The following ITGB7 variants were observed in gnomAD, a reference collection of about 807,000 sequenced individuals.
ITGB7 encodes integrin beta-7.
Under a neutral mutation model 83.4 loss-of-function variants are expected in ITGB7, and 55 were observed. The observed-to-expected ratio is 0.66, with a 90% CI of 0.53 to 0.83. The LOEUF (loss-of-function observed/expected upper bound fraction) is 0.83, where lower values mean the gene tolerates loss of function less well. Ranked by LOEUF, ITGB7 falls within the 40% of genes least tolerant of loss-of-function variation. The pLI is 0.00. For synonymous variants in ITGB7, 454 were observed against 423.6 expected (o/e 1.07, Z -0.88); for missense variants, 921 against 1,046.7 (o/e 0.88, Z 1.66).
In ITGB7 at chr12:53,191,564, T is replaced by C; in HGVS notation, c.2389A>G (p.Thr797Ala). 6.2e-7 allele frequency: 1 copy of C among 1,608,380 alleles called. No homozygotes were observed. Among genetic ancestry groups the C allele is most frequent in the Non-Finnish European group, 8.5e-7 (1 of 1,175,026 alleles). The change falls in exon 16 of 16, where the codon ACT (threonine) becomes GCT (alanine). Residue 797 changes from threonine to alanine, a missense_variant. Transcript: ENST00000267082. ...AAGTGTCCCTCCCTCCTTCAGAGAG[T>C]GGGACTGTCTGCCTCTTGAAAGCGA... Reference protein sequence around the residue: ...NPRFQEADSPTL With the variant: ...NPRFQEADSPAL
Position 53,191,605 on chromosome 12 carries a change from G to A in ITGB7, c.2348C>T (p.Thr783Met), listed in dbSNP as rs775805385. ...TTGAAAGCGAGGATTGATGGTGGTC[G>A]TGATGGCACTTTTGTAGAGAGGATT... ...DSNPLYKSAI[T>M]TTINPRFQEA... Residue 783 changes from threonine (T) to methionine (M), a missense_variant, in exon 16 of 16, where the codon ACG becomes ATG. Physicochemically the swap from Thr to Met is moderately conservative, Grantham distance 81 (BLOSUM62 -1). Coordinates refer to ENST00000267082, the MANE Select transcript of ITGB7 (RefSeq NM_000889.3). 6.8e-6 allele frequency: 11 copies of A among 1,613,850 alleles called. No individual in the cohort carries two copies. Among genetic ancestry groups the A allele is most frequent in the Admixed American group, 1.7e-5 (1 of 60,022 alleles).
At position 53,193,790 on chromosome 12, in the gene ITGB7, A is replaced by G; in HGVS notation, c.1420T>C (p.Cys474Arg). 2 of 1,614,126 alleles carry G rather than the reference A, an allele frequency of 1.2e-6. No homozygotes were observed. Among genetic ancestry groups the G allele is most frequent in the Admixed American group, 3.3e-5 (2 of 60,004 alleles). Residue 474 changes from cysteine (C) to arginine (R), a missense_variant, in exon 11 of 16, where the codon TGT becomes CGT. Cys to Arg is a radical substitution (Grantham distance 180). Coordinates refer to ENST00000267082, the MANE Select transcript of ITGB7 (RefSeq NM_000889.3). ...EELIVELHTL[C>R]DCNCSDTQPQ... Reference sequence around the variant, plus strand: ...TGGGTGTCACTGCAATTACAGTCACACAGCGTGTGCAACTCCACAATCAGC... The same window carrying G: ...TGGGTGTCACTGCAATTACAGTCACGCAGCGTGTGCAACTCCACAATCAGC...
chr12:53,194,650 G>A, intron 9 of ITGB7: 1 of 301,824 alleles, frequency 3.3e-6, no homozygotes, highest in Non-Finnish European at 6.4e-6. Context: ...CCCCACATCA[G>A]GACACATAAC....
rs1315236625 is a variant in ITGB7, at chr12:53,201,193, A to C, written c.-125T>G. On this transcript the variant is annotated splice_region_variant and 5_prime_UTR_variant, in exon 2 of 16. It removes an upstream start codon present in the reference 5' UTR. Coordinates refer to ENST00000267082, the MANE Select transcript of ITGB7 (RefSeq NM_000889.3). ...TTTCTCTCTGGGCTTTAGTTTCCAC[A>C]TCTGCAAAGTGGAGAAGTTGAATAA... The C allele has an allele frequency of 6.6e-6, 1 of 152,228 alleles. No homozygotes were observed. The highest frequency in any genetic ancestry group is 2.4e-5 in the African/African-American group (1 of 41,452). The allele number at this position is 152,228 out of a possible 1,614,324, so 9.4% of individuals were successfully genotyped here.
At chr12:53,194,447 C>A in intron 9 of ITGB7, 103 bp from the exon 10 acceptor site, 1 of 1,170,428 alleles carries the variant, frequency 8.5e-7, no homozygotes, top group South Asian at 1.4e-5. Context: ...GCACCCTGCC[C>A]TCTGCCACCT....
chr12:53,200,874 A>G (rs1942308499), intron 2 of ITGB7, among the ~76,000 whole-genome samples, 198 bp downstream of exon 2: 1 of 151,538 alleles, frequency 6.6e-6, no homozygotes, highest in Admixed American at 6.6e-5. Context: ...GGTTGTAGTG[A>G]GCCGAGATCA....
intron 3 of ITGB7, among the ~76,000 whole-genome samples, chr12:53,199,533 C>G (rs1370749055): frequency 6.7e-6 from 1 of 150,106 alleles, no homozygotes; most frequent in Non-Finnish European, 1.5e-5. Context: ...ACCCCCACCC[C>G]ATCCTCTGTT....
At chr12:53,203,647 C>CAAAAAAAAAAAAAAAAAAAAAAAA (rs1158624130) in intron 1 of ITGB7, among the ~76,000 whole-genome samples, 21 of 51,006 alleles carry the variant, frequency 4.1e-4, no homozygotes, top group Non-Finnish European at 6.9e-4. Flanking sequence ...GACCCTGTCT[C>CAAAAAAAAAAAAAAAAAAAAAAAA]AAAAAAAAAA....
rs1192699721 is a variant in ITGB7 at position 53,197,883 on chromosome 12, G to T, written c.270C>A (p.Gly90=). Residue 90 remains glycine, a synonymous_variant, in exon 4 of 16, where the codon GGC becomes GGA. Coordinates refer to ENST00000267082, the MANE Select transcript of ITGB7 (RefSeq NM_000889.3). ...CARREELLAR[G]CPLEELEEPR... ...GCTCCTCCAGCTCCTCCAGCGGGCAGCCTCGAGCCAGCAGCTCCTCTCGTC... is the reference window on the plus strand; with the variant it reads ...GCTCCTCCAGCTCCTCCAGCGGGCATCCTCGAGCCAGCAGCTCCTCTCGTC... The T allele has an allele frequency of 6.5e-7, 1 of 1,535,638 alleles. No homozygotes were observed. Among genetic ancestry groups the T allele is most frequent in the Non-Finnish European group, 8.7e-7 (1 of 1,147,864 alleles).
At chr12:53,204,654 C>T (rs549688209) in intron 1 of ITGB7, among the ~76,000 whole-genome samples, 60 of 152,082 alleles carry the variant, frequency 3.9e-4, no homozygotes, top group Admixed American at 1.9e-3. Context: ...TACTTAATGC[C>T]ACTGAATTGT....
chr12:53,195,668 C>T lies in ITGB7; in HGVS notation c.1029G>A (p.Gln343=), dbSNP rs1168697505. 1.9e-6 allele frequency: 3 copies of T among 1,614,006 alleles called. No homozygotes were observed. The highest frequency in any genetic ancestry group is 2.5e-6 in the Non-Finnish European group (3 of 1,180,014). Residue 343 remains glutamine (Q), a synonymous_variant, in exon 8 of 16, where the codon CAG becomes CAA. Transcript: ENST00000267082. ...VAQALSAANI[Q]PIFAVTSAAL... is the part of the protein sequence containing the mutation. ...CGGCACTGGTGACAGCAAAGATGGGCTGGATATTTGCTGCAGAGAGGGCCT... is the reference window on the plus strand; with the variant it reads ...CGGCACTGGTGACAGCAAAGATGGGTTGGATATTTGCTGCAGAGAGGGCCT...
chr12:53,193,280 G>A lies in ITGB7; in HGVS notation c.1586C>T (p.Ala529Val), dbSNP rs1942034042. The change falls in exon 12 of 16, where the codon GCT becomes GTT. Residue 529 changes from alanine (A) to valine (V), a missense_variant. Ala to Val is a moderately conservative substitution (Grantham distance 64, BLOSUM62 0). Coordinates refer to ENST00000267082, the MANE Select transcript of ITGB7 (RefSeq NM_000889.3). ...GCACAGGGGCCCTGTGCCATTGGGA[G>A]CCCGGCACCCAGATTCCAGGTCTGG... ...SSPDLESGCR[A>V]PNGTGPLCSG... The A allele has an allele frequency of 1.2e-6, 2 of 1,613,390 alleles. No individual in the cohort carries two copies. Among genetic ancestry groups the A allele is most frequent in the Non-Finnish European group, 1.7e-6 (2 of 1,179,434 alleles).
intron 1 of ITGB7, among the ~76,000 whole-genome samples, chr12:53,205,910 C>T (rs1942432728): frequency 6.6e-6 from 1 of 152,194 alleles, no homozygotes; most frequent in Admixed American, 6.5e-5. Context: ...CCAGTCCCAG[C>T]TCAGCCTCAG....
chr12:53,196,413 C>T (rs922840279), intron 6 of ITGB7, 166 bp downstream of exon 6: 2 of 1,076,772 alleles, frequency 1.9e-6, no homozygotes, highest in African/African-American at 1.6e-5. Context: ...AACATGCCTC[C>T]TCCTCAAGAT....
intron 1 of ITGB7, among the ~76,000 whole-genome samples, chr12:53,203,647 C>CAA (rs1158624130): frequency 0.027 from 1,355 of 50,658 alleles, 69 homozygotes; most frequent in African/African-American, 0.058. Context: ...GACCCTGTCT[C>CAA]AAAAAAAAAA....
In ITGB7 at chr12:53,193,274, T is replaced by A. The variant is rs781134923; in HGVS notation, c.1592A>T (p.Asn531Ile). ...PDLESGCRAP[N>I]GTGPLCSGKG... ...TCCACTGCACAGGGGCCCTGTGCCA[T>A]TGGGAGCCCGGCACCCAGATTCCAG... is the stretch of plus-strand genomic sequence containing the variant. Residue 531 changes from asparagine to isoleucine, a missense_variant, in exon 12 of 16, where the codon AAT (asparagine) becomes ATT (isoleucine). Physicochemically the swap from Asn to Ile is moderately radical, Grantham distance 149 (BLOSUM62 -3). Transcript: ENST00000267082. The A allele has an allele frequency of 6.2e-7, 1 of 1,613,720 alleles. No homozygotes were observed. The highest frequency in any genetic ancestry group is 8.5e-7 in the Non-Finnish European group (1 of 1,179,710).
intron 3 of ITGB7, among the ~76,000 whole-genome samples, chr12:53,199,056 C>G (rs1942258500): frequency 6.6e-6 from 1 of 152,206 alleles, no homozygotes; most frequent in Non-Finnish European, 1.5e-5. Context: ...CAGTCAGATT[C>G]ACTGTGTGCC....
At chr12:53,206,567 A>C (rs1379438708) in intron 1 of ITGB7, 2 of 152,166 alleles carry the variant, frequency 1.3e-5, no homozygotes, top group African/African-American at 2.4e-5. Flanking sequence ...TCTCTCTGGG[A>C]CCAAGTGGTT....
chr12:53,192,931 G>A (rs1173720352), intron 12 of ITGB7, 21 bp from the exon 13 acceptor site: 7 of 1,608,774 alleles, frequency 4.4e-6, no homozygotes, highest in Non-Finnish European at 6.0e-6. Flanking sequence ...GCCATGCAGA[G>A]GGTGACAACC....
Sources: allele counts gnomAD v4.1 joint callset (sites outside exome capture counted in the v4.1 genomes callset), GRCh38; gene constraint gnomAD v4.1.1; transcripts MANE v1.5; gene names NCBI Gene and HGNC (gene_info 2026-07-23, HGNC 2026-07-21).